C10orf67: variants seen among roughly 807,000 people sequenced by gnomAD.
C10orf67 encodes the protein chromosome 10 open reading frame 67, also known as uncharacterized protein C10orf67, mitochondrial.
In C10orf67, 60 loss-of-function variants were observed where a neutral mutation model predicts 35.6. The ratio of observed to expected loss-of-function variants is 1.68; its 90% confidence interval spans 1.37 to 2.09. The LOEUF is 2.09. C10orf67 is among the 30% of genes most tolerant of loss of function. The probability of loss-of-function intolerance (pLI) is 0.00; values close to 1 mark genes in which losing one functional copy is unlikely to be tolerated. For synonymous variants in C10orf67, 167 were observed against 115.8 expected, an observed-to-expected ratio of 1.44 and a Z score of -2.84; for missense variants, 474 against 330.2, an observed-to-expected ratio of 1.44 and a Z score of -3.38.
Position 23,333,935 on chromosome 10 carries a change from A to G in C10orf67, c.207-753T>C, listed in dbSNP as rs149659689. ...AGCTATGAAAGCACCACCACACTCCAGCCTGGGCAACAGAAAGAGCACATG... is the reference window on the plus strand; with the variant it reads ...AGCTATGAAAGCACCACCACACTCCGGCCTGGGCAACAGAAAGAGCACATG... On this transcript the variant is annotated intron_variant, in intron 1 of 15. Transcript: ENST00000636213. 5.9e-5 allele frequency among the ~76,000 whole-genome samples: 9 copies of G among 152,348 alleles called. No homozygotes were observed. The East Asian group carries it at 1.5e-3, about 26-fold the overall frequency.
At chr10:23,343,741 A>G (rs1383167989) in intron 1 of C10orf67, among the ~76,000 whole-genome samples, 1 of 152,148 alleles carries the variant, frequency 6.6e-6, no homozygotes, top group African/African-American at 2.4e-5. Context: ...TATACACTTG[A>G]AGAAGTGAAA....
intron 5 of C10orf67, among the ~76,000 whole-genome samples, chr10:23,296,408 T>C (rs1165871009): frequency 1.3e-5 from 2 of 152,188 alleles, no homozygotes; most frequent in African/African-American, 4.8e-5. Context: ...CCTTACTATC[T>C]GATTGGTCTG....
At chr10:23,236,253 G>GA (rs368833212) in intron 13 of C10orf67, among the ~76,000 whole-genome samples, 784 of 75,742 alleles carry the variant, frequency 0.01, 11 homozygotes, top group Non-Finnish European at 0.015. Context: ...CCTCTCGGGG[G>GA]AAAAAAAAAA....
chr10:23,234,012 T>C (rs560032900), intron 13 of C10orf67, among the ~76,000 whole-genome samples: 20 of 152,276 alleles, frequency 1.3e-4, no homozygotes, highest in African/African-American at 4.6e-4. Flanking sequence ...TAAATGAAGG[T>C]GAGATTTTAA....
intron 1 of C10orf67, among the ~76,000 whole-genome samples, chr10:23,337,075 C>T (rs1845714575): frequency 6.6e-6 from 1 of 152,056 alleles, no homozygotes; most frequent in African/African-American, 2.4e-5. Context: ...ATAATGAAAG[C>T]ATCAGATTAT....
chr10:23,285,962 C>T (rs1188534834), intron 7 of C10orf67, among the ~76,000 whole-genome samples: 1 of 152,214 alleles, frequency 6.6e-6, no homozygotes, highest in Non-Finnish European at 1.5e-5. Context: ...TATAGCCAGC[C>T]ATCAACTGGT....
At chr10:23,212,434 A>G (rs1421433829) in intron 15 of C10orf67, among the ~76,000 whole-genome samples, 1 of 152,186 alleles carries the variant, frequency 6.6e-6, no homozygotes, top group Non-Finnish European at 1.5e-5. Context: ...AATAAAGCTC[A>G]TATTTGGTAA....
chr10:23,243,557 C>T (rs1196063771), intron 12 of C10orf67, among the ~76,000 whole-genome samples: 1 of 151,828 alleles, frequency 6.6e-6, no homozygotes, highest in East Asian at 1.9e-4. Flanking sequence ...CATGGTGGCG[C>T]ATGCCTGTAA....
At chr10:23,291,907 C>A (rs1366393476) in intron 5 of C10orf67, among the ~76,000 whole-genome samples, 1 of 152,106 alleles carries the variant, frequency 6.6e-6, no homozygotes, top group African/African-American at 2.4e-5. Context: ...CATGGCTTTG[C>A]ATGCTTGTCA....
intron 4 of C10orf67, among the ~76,000 whole-genome samples, chr10:23,310,004 C>T (rs191452808): frequency 6.6e-6 from 1 of 152,282 alleles, no homozygotes; most frequent in Admixed American, 6.5e-5. Flanking sequence ...ATTCATTTTT[C>T]TTCATCTCCT....
At chr10:23,228,488 A>G (rs932005229) in intron 13 of C10orf67, among the ~76,000 whole-genome samples, 1 of 152,228 alleles carries the variant, frequency 6.6e-6, no homozygotes, top group Non-Finnish European at 1.5e-5. Context: ...TAAAAACCCT[A>G]GAAGAAAACC....
At chr10:23,332,922 G>T in intron 2 of C10orf67, 140 bp downstream of exon 2, 3 of 766,842 alleles carry the variant, frequency 3.9e-6, no homozygotes, top group Non-Finnish European at 6.3e-6. Flanking sequence ...ATTTGTTAAA[G>T]CACAGCTATC....
At chr10:23,306,742 C>T (rs1423550507) in intron 4 of C10orf67, among the ~76,000 whole-genome samples, 1 of 151,946 alleles carries the variant, frequency 6.6e-6, no homozygotes, top group Non-Finnish European at 1.5e-5. Flanking sequence ...CTGCCACCGC[C>T]CCCCACCCCA....
chr10:23,221,643 G>GA (rs1841583972), intron 15 of C10orf67, among the ~76,000 whole-genome samples: 1 of 152,158 alleles, frequency 6.6e-6, no homozygotes, highest in African/African-American at 2.4e-5. Context: ...ACTGTGCAAA[G>GA]CTATTTTGTC....
intron 7 of C10orf67, among the ~76,000 whole-genome samples, chr10:23,284,144 A>C (rs896953368): frequency 2.5e-4 from 37 of 148,912 alleles, no homozygotes; most frequent in Non-Finnish European, 5.2e-4. Context: ...TGGGGGGAAC[A>C]CGTGGTTATC....
intron 2 of C10orf67, among the ~76,000 whole-genome samples, chr10:23,325,030 A>G (rs2132353794): frequency 6.6e-6 from 1 of 152,276 alleles, no homozygotes; most frequent in East Asian, 1.9e-4. Flanking sequence ...GGGGAACTCT[A>G]AAATCACTGT....
chr10:23,312,740 T>C (rs112603097), intron 4 of C10orf67, among the ~76,000 whole-genome samples: 192 of 152,334 alleles, frequency 1.3e-3, no homozygotes, highest in African/African-American at 4.5e-3. Context: ...TTTTCAAACG[T>C]TAAATGTTGC....
intron 10 of C10orf67, among the ~76,000 whole-genome samples, chr10:23,265,632 C>T (rs1165533737): frequency 3.3e-5 from 5 of 152,188 alleles, no homozygotes; most frequent in Admixed American, 2.0e-4. Flanking sequence ...GATACAGGCT[C>T]ATAATGATGG....
chr10:23,214,331 G>T (rs559920471), intron 15 of C10orf67, among the ~76,000 whole-genome samples: 1 of 152,012 alleles, frequency 6.6e-6, no homozygotes, highest in Admixed American at 6.6e-5. Flanking sequence ...TAATAGAAAG[G>T]TTACAAGGAA....
Sources: gnomAD v4.1 joint callset for allele counts (sites outside exome capture counted in the v4.1 genomes callset) on GRCh38, gnomAD v4.1.1 for gene constraint, MANE v1.5 for transcripts, NCBI Gene and HGNC (gene_info 2026-07-23, HGNC 2026-07-21) for gene names.